The following NDUFAF2 variants were observed in gnomAD, a reference collection of about 807,000 sequenced individuals.
The protein encoded by NDUFAF2 is NADH:ubiquinone oxidoreductase complex assembly factor 2.
A neutral mutation model predicts 22.8 loss-of-function variants in NDUFAF2; 13 were observed. The observed-to-expected ratio is 0.57, with a 90% confidence interval of 0.37 to 0.91. The LOEUF (loss-of-function observed/expected upper bound fraction) is 0.91. Ranked by LOEUF, NDUFAF2 falls within the 40% of genes least tolerant of loss-of-function variation. The pLI is 0.01. For synonymous variants in NDUFAF2, 53 were observed against 64.2 expected, an observed-to-expected ratio of 0.83 and a Z score of 0.84; for missense variants, 162 against 195.2, an observed-to-expected ratio of 0.83 and a Z score of 1.01.
intron 1 of NDUFAF2, among the ~76,000 whole-genome samples, chr5:61,064,611 A>C (rs1442408789): frequency 6.6e-6 from 1 of 152,102 alleles, no homozygotes; most frequent in Non-Finnish European, 1.5e-5. Context: ...GTGGAAATTT[A>C]AAAACATGCT....
At chr5:61,125,867 A>G (rs1307454030) in intron 3 of NDUFAF2, among the ~76,000 whole-genome samples, 3 of 152,078 alleles carry the variant, frequency 2.0e-5, no homozygotes, top group Non-Finnish European at 1.5e-5. Context: ...TACCATAGTA[A>G]TAAATAACCT....
intron 1 of NDUFAF2, among the ~76,000 whole-genome samples, chr5:60,965,170 C>T (rs1162278634): frequency 6.6e-6 from 1 of 152,118 alleles, no homozygotes; most frequent in Non-Finnish European, 1.5e-5. Context: ...TTGTACTGAC[C>T]TGAGCCCATA....
chr5:60,968,889 C>T (rs1332905001), intron 1 of NDUFAF2, among the ~76,000 whole-genome samples: 1 of 151,996 alleles, frequency 6.6e-6, no homozygotes, highest in Non-Finnish European at 1.5e-5. Flanking sequence ...GGTAACCATC[C>T]TTTTCTGCTC....
intron 1 of NDUFAF2, among the ~76,000 whole-genome samples, chr5:61,048,451 A>G (rs1751982606): frequency 6.6e-6 from 1 of 152,164 alleles, no homozygotes; most frequent in Non-Finnish European, 1.5e-5. Context: ...TCAAAGGCAT[A>G]TATGGTTTTT....
intron 3 of NDUFAF2, chr5:61,115,013 G>A (rs1752893511): frequency 6.6e-6 from 1 of 152,656 alleles, no homozygotes; most frequent in Admixed American, 6.6e-5. Flanking sequence ...GAGTTCCTTG[G>A]TTCCAGGTGG....
intron 1 of NDUFAF2, among the ~76,000 whole-genome samples, chr5:60,963,631 A>AGTTCT (rs1750718806): frequency 6.6e-6 from 1 of 152,206 alleles, no homozygotes; most frequent in African/African-American, 2.4e-5. Context: ...GGCCAGGCAC[A>AGTTCT]GTTCTAGGCA....
chr5:60,954,022 G>A (rs1750581900), intron 1 of NDUFAF2, among the ~76,000 whole-genome samples: 1 of 152,112 alleles, frequency 6.6e-6, no homozygotes, highest in African/African-American at 2.4e-5. Context: ...ATTATTTCTA[G>A]TGATATAAGT....
chr5:60,990,639 T>C (rs2112584989), intron 1 of NDUFAF2, among the ~76,000 whole-genome samples: 1 of 152,306 alleles, frequency 6.6e-6, no homozygotes, highest in East Asian at 1.9e-4. Flanking sequence ...ATTGACTTTG[T>C]ACTTGTAGTT....
At chr5:61,127,962 A>G (rs576046173) in intron 3 of NDUFAF2, among the ~76,000 whole-genome samples, 231 of 152,304 alleles carry the variant, frequency 1.5e-3, no homozygotes, top group Non-Finnish European at 2.3e-3. Flanking sequence ...CAGGATATAA[A>G]ATCAATGTGC....
intron 1 of NDUFAF2, among the ~76,000 whole-genome samples, chr5:61,006,345 C>G (rs1323148463): frequency 6.6e-6 from 1 of 152,100 alleles, no homozygotes; most frequent in Admixed American, 6.6e-5. Context: ...GTTACTGTAG[C>G]CTTGTAGTAT....
chr5:60,980,706 G>C (rs1750965210), intron 1 of NDUFAF2, among the ~76,000 whole-genome samples: 1 of 152,148 alleles, frequency 6.6e-6, no homozygotes, highest in African/African-American at 2.4e-5. Flanking sequence ...CTGGGAGACA[G>C]ATGTTGCAGT....
At chr5:61,125,351 G>T (rs1753024676) in intron 3 of NDUFAF2, among the ~76,000 whole-genome samples, 1 of 151,836 alleles carries the variant, frequency 6.6e-6, no homozygotes, top group Non-Finnish European at 1.5e-5. Context: ...TCATGGCAAA[G>T]AAATTGAAAT....
At chr5:61,022,748 G>A (rs1320905846) in intron 1 of NDUFAF2, among the ~76,000 whole-genome samples, 2 of 152,088 alleles carry the variant, frequency 1.3e-5, no homozygotes, top group Admixed American at 6.6e-5. Context: ...AGGTTCAAGC[G>A]ATTCTCCTGC....
At chr5:61,056,922 ATATATATATAT>A (rs372692435) in intron 1 of NDUFAF2, among the ~76,000 whole-genome samples, 9,372 of 42,512 alleles carry the variant, frequency 0.22, 865 homozygotes, top group East Asian at 0.47. Context: ...AAAAAAAAAT[ATATATATATAT>A]ATATATATAT....
intron 1 of NDUFAF2, among the ~76,000 whole-genome samples, chr5:61,042,962 G>C (rs1400127495): frequency 6.6e-6 from 1 of 152,196 alleles, no homozygotes; most frequent in Non-Finnish European, 1.5e-5. Flanking sequence ...GCTCATGCCT[G>C]TAATCCCAGC....
intron 1 of NDUFAF2, among the ~76,000 whole-genome samples, chr5:61,026,105 A>G (rs1751646234): frequency 1.3e-5 from 2 of 152,132 alleles, no homozygotes; most frequent in African/African-American, 4.8e-5. Flanking sequence ...ACAATTCAAT[A>G]TGTGTTTCAT....
chr5:60,954,937 T>C (rs1561526225), intron 1 of NDUFAF2, among the ~76,000 whole-genome samples: 1 of 152,154 alleles, frequency 6.6e-6, no homozygotes, highest in African/African-American at 2.4e-5. Flanking sequence ...ATTTATTTGG[T>C]TTTTTGCTAT....
intron 3 of NDUFAF2, among the ~76,000 whole-genome samples, chr5:61,101,191 A>G (rs1752701553): frequency 6.6e-6 from 1 of 152,136 alleles, no homozygotes; most frequent in Admixed American, 6.6e-5. Context: ...TAGCTTATTT[A>G]GTTATTAAGC....
chr5:60,995,956 A>G (rs1180540442), intron 1 of NDUFAF2, among the ~76,000 whole-genome samples: 1 of 152,104 alleles, frequency 6.6e-6, no homozygotes, highest in Non-Finnish European at 1.5e-5. Context: ...CTACAAGACT[A>G]CCCCTGATGT....
Sources: allele counts gnomAD v4.1 joint callset (sites outside exome capture counted in the v4.1 genomes callset), GRCh38; gene constraint gnomAD v4.1.1; transcripts MANE v1.5; gene names NCBI Gene and HGNC (gene_info 2026-07-23, HGNC 2026-07-21).